BTBD9: variants seen among roughly 807,000 people sequenced by gnomAD.
BTBD9 encodes the protein BTB domain containing 9, also known as BTB/POZ domain-containing protein 9.
In BTBD9, 49 loss-of-function variants were observed where a neutral mutation model predicts 64.3. That is an observed-to-expected ratio of 0.76 (90% CI 0.61 to 0.97). The LOEUF (loss-of-function observed/expected upper bound fraction) is 0.97, where lower values mean the gene tolerates loss of function less well. Among genes scored for constraint, BTBD9 ranks in the 50% least tolerant of loss-of-function variants. BTBD9 has a pLI of 0.00. For synonymous variants in BTBD9, 260 were observed against 274.7 expected (o/e 0.95, Z 0.53); for missense variants, 598 against 762.1 (o/e 0.78, Z 2.53).
intron 6 of BTBD9, among the ~76,000 whole-genome samples, chr6:38,406,703 G>A (rs996609214): frequency 1.3e-5 from 2 of 152,144 alleles, no homozygotes; most frequent in African/African-American, 4.8e-5. Context: ...TAATCACCTT[G>A]GTGAGGAAGG....
At chr6:38,287,234 AC>A (rs1215139753) in intron 8 of BTBD9, among the ~76,000 whole-genome samples, 2 of 151,334 alleles carry the variant, frequency 1.3e-5, no homozygotes, top group Non-Finnish European at 2.9e-5. Context: ...TCACTGACTC[AC>A]CCAGAGCAAC....
chr6:38,599,218 T>C (rs1352506248), intron 1 of BTBD9, among the ~76,000 whole-genome samples: 1 of 152,120 alleles, frequency 6.6e-6, no homozygotes, highest in African/African-American at 2.4e-5. Flanking sequence ...CAGCTTTACG[T>C]GTAAGAAAGT....
chr6:38,229,263 G>A (rs6917654), intron 9 of BTBD9, among the ~76,000 whole-genome samples: 124,345 of 151,914 alleles, frequency 0.82, 51,008 homozygotes, highest in East Asian at 0.95. Context: ...GATACACACA[G>A]AAAATAGTAA....
At chr6:38,451,636 A>G (rs1458786528) in intron 6 of BTBD9, among the ~76,000 whole-genome samples, 1 of 152,160 alleles carries the variant, frequency 6.6e-6, no homozygotes, top group African/African-American at 2.4e-5. Context: ...TGGTGACCAC[A>G]TATGAAGACG....
chr6:38,545,011 A>C (rs1774469047), intron 6 of BTBD9, among the ~76,000 whole-genome samples: 1 of 150,894 alleles, frequency 6.6e-6, no homozygotes. Flanking sequence ...GGTAAGAGGA[A>C]GCCAGATCAT....
chr6:38,629,067 A>G (rs566891372), intron 1 of BTBD9, among the ~76,000 whole-genome samples: 1 of 152,310 alleles, frequency 6.6e-6, no homozygotes, highest in East Asian at 1.9e-4. Context: ...GTAAAAAATT[A>G]AACCCATTGA....
At chr6:38,295,008 A>G (rs1762105194) in intron 7 of BTBD9, among the ~76,000 whole-genome samples, 1 of 151,340 alleles carries the variant, frequency 6.6e-6, no homozygotes, top group Non-Finnish European at 1.5e-5. Flanking sequence ...ATCATTCTCA[A>G]TTTCTCTTCT....
At chr6:38,639,346 A>G (rs951515252) in intron 1 of BTBD9, among the ~76,000 whole-genome samples, 4 of 152,164 alleles carry the variant, frequency 2.6e-5, no homozygotes, top group Admixed American at 1.3e-4. Context: ...AACTCTCTCC[A>G]TAACAACCAG....
At chr6:38,327,324 T>C (rs1763478186) in intron 7 of BTBD9, among the ~76,000 whole-genome samples, 1 of 152,190 alleles carries the variant, frequency 6.6e-6, no homozygotes, top group Non-Finnish European at 1.5e-5. Context: ...TTTCTTTTTA[T>C]GCAAAACGGT....
At chr6:38,274,386 A>G (rs1303637835) in intron 8 of BTBD9, among the ~76,000 whole-genome samples, 1 of 151,950 alleles carries the variant, frequency 6.6e-6, no homozygotes, top group Non-Finnish European at 1.5e-5. Flanking sequence ...TCTCCTGCCT[A>G]ATTGCCCTGG....
intron 1 of BTBD9, among the ~76,000 whole-genome samples, chr6:38,604,230 T>C (rs977734013): frequency 6.6e-6 from 1 of 152,244 alleles, no homozygotes; most frequent in Non-Finnish European, 1.5e-5. Context: ...GGGAAAGATT[T>C]TGAATGTCCA....
chr6:38,608,611 A>G (rs978943250), intron 1 of BTBD9, among the ~76,000 whole-genome samples: 1 of 152,192 alleles, frequency 6.6e-6, no homozygotes, highest in African/African-American at 2.4e-5. Context: ...TGTCTGTGTA[A>G]AGGAAATTGG....
At chr6:38,256,581 G>A (rs1764587650) in intron 8 of BTBD9, 65 bp from the exon 9 acceptor site, 1 of 1,153,140 alleles carries the variant, frequency 8.7e-7, no homozygotes, top group African/African-American at 1.5e-5. Flanking sequence ...TTAGGTTGTG[G>A]GCATATCCCT....
chr6:38,465,856 A>C (rs1342240985), intron 6 of BTBD9, among the ~76,000 whole-genome samples: 3 of 110,544 alleles, frequency 2.7e-5, no homozygotes, highest in African/African-American at 1.0e-4. Flanking sequence ...TTTTTGAGAC[A>C]GTCTCACTCT....
At chr6:38,388,519 G>A (rs1446687495) in intron 6 of BTBD9, among the ~76,000 whole-genome samples, 3 of 152,152 alleles carry the variant, frequency 2.0e-5, no homozygotes, top group Admixed American at 6.5e-5. Flanking sequence ...TTTGGAATAG[G>A]GAGCTATTTG....
intron 7 of BTBD9, among the ~76,000 whole-genome samples, chr6:38,305,991 C>A (rs993533779): frequency 3.9e-5 from 6 of 152,164 alleles, no homozygotes; most frequent in Non-Finnish European, 8.8e-5. Context: ...CCTAGTTGGA[C>A]TGCCTTAAAC....
At chr6:38,394,882 C>T (rs529292473) in intron 6 of BTBD9, among the ~76,000 whole-genome samples, 1 of 151,928 alleles carries the variant, frequency 6.6e-6, no homozygotes, top group South Asian at 2.1e-4. Context: ...TGACTATAGC[C>T]TTGGCTGACA....
intron 6 of BTBD9, among the ~76,000 whole-genome samples, chr6:38,538,002 C>G (rs1774098691): frequency 6.6e-6 from 1 of 152,162 alleles, no homozygotes; most frequent in African/African-American, 2.4e-5. Flanking sequence ...CCTATCAGCC[C>G]TGGACTATTA....
chr6:38,383,714 A>G (rs776169557), intron 6 of BTBD9, among the ~76,000 whole-genome samples: 8 of 152,250 alleles, frequency 5.3e-5, no homozygotes, highest in Non-Finnish European at 8.8e-5. Context: ...CGAACCTTAT[A>G]AAGTTGCCAG....
Sources: gnomAD v4.1 joint callset for allele counts (sites outside exome capture counted in the v4.1 genomes callset) on GRCh38, gnomAD v4.1.1 for gene constraint, MANE v1.5 for transcripts, NCBI Gene and HGNC (gene_info 2026-07-23, HGNC 2026-07-21) for gene names.